TTC29: variants seen among roughly 807,000 people sequenced by gnomAD.
TTC29 encodes the protein tetratricopeptide repeat domain 29, also known as tetratricopeptide repeat protein 29.
TTC29 carries 49 observed loss-of-function variants against 58.1 expected under a neutral mutation model. The ratio of observed to expected loss-of-function variants is 0.84; its 90% CI spans 0.67 to 1.07. The LOEUF is 1.07. TTC29 is among the 50% of genes least tolerant of loss of function. The pLI is 0.00. For synonymous variants in TTC29, 209 were observed against 196.8 expected (o/e 1.06, Z -0.52); for missense variants, 582 against 555.6 (o/e 1.05, Z -0.48).
At chr4:146,917,077 TC>T (rs1734270673) in intron 4 of TTC29, among the ~76,000 whole-genome samples, 1 of 151,188 alleles carries the variant, frequency 6.6e-6, no homozygotes, top group African/African-American at 2.4e-5. Context: ...TCATTTTGTA[TC>T]TCATACATCC....
At chr4:146,808,095 C>A (rs906414915) in intron 10 of TTC29, among the ~76,000 whole-genome samples, 4 of 152,256 alleles carry the variant, frequency 2.6e-5, no homozygotes, top group Middle Eastern at 6.8e-3. Context: ...ATACGCAAAT[C>A]AATAAACGTA....
intron 11 of TTC29, among the ~76,000 whole-genome samples, chr4:146,739,609 C>A (rs757842651): frequency 1.3e-5 from 2 of 152,198 alleles, no homozygotes; most frequent in Non-Finnish European, 2.9e-5. Context: ...TGATTTTCAG[C>A]ACTGTCTAGA....
chr4:146,791,725 T>C (rs1035936303), intron 11 of TTC29, among the ~76,000 whole-genome samples: 2 of 152,198 alleles, frequency 1.3e-5, no homozygotes, highest in African/African-American at 2.4e-5. Flanking sequence ...ACGCTAGGCC[T>C]CTTGTGCCAA....
chr4:146,934,414 G>A (rs1175292224), intron 4 of TTC29: 1 of 152,216 alleles, frequency 6.6e-6, no homozygotes, highest in African/African-American at 2.4e-5. Flanking sequence ...GATAAGAGAG[G>A]AGTAGGGGTG....
At chr4:146,905,872 A>C (rs1416236844) in intron 5 of TTC29, among the ~76,000 whole-genome samples, 1 of 152,214 alleles carries the variant, frequency 6.6e-6, no homozygotes, top group African/African-American at 2.4e-5. Flanking sequence ...GGTATTTCTC[A>C]AGCTTATTTG....
intron 4 of TTC29, among the ~76,000 whole-genome samples, chr4:146,931,912 C>T (rs1196401251): frequency 6.6e-6 from 1 of 151,986 alleles, no homozygotes; most frequent in Non-Finnish European, 1.5e-5. Flanking sequence ...TTTAAAAAAG[C>T]TCCTTCCAAC....
chr4:146,913,662 C>T (rs1229924210), intron 4 of TTC29, among the ~76,000 whole-genome samples: 1 of 152,108 alleles, frequency 6.6e-6, no homozygotes, highest in Non-Finnish European at 1.5e-5. Context: ...GTAGTTCCTG[C>T]TAACTACGTC....
At chr4:146,808,803 A>T (rs896223345) in intron 10 of TTC29, among the ~76,000 whole-genome samples, 2 of 152,232 alleles carry the variant, frequency 1.3e-5, no homozygotes, top group Non-Finnish European at 2.9e-5. Context: ...GAAAATAGCC[A>T]TACTGCCCAA....
At chr4:146,884,159 T>C (rs1173838660) in intron 6 of TTC29, among the ~76,000 whole-genome samples, 1 of 152,110 alleles carries the variant, frequency 6.6e-6, no homozygotes, top group Non-Finnish European at 1.5e-5. Context: ...CCCCAAAAAG[T>C]GACAATTAAT....
chr4:146,916,882 A>C (rs186096926), intron 4 of TTC29, among the ~76,000 whole-genome samples: 87 of 151,600 alleles, frequency 5.7e-4, no homozygotes, highest in African/African-American at 1.8e-3. Context: ...ACTGTTAAAA[A>C]TGTAAATAGG....
At chr4:146,844,416 T>C (rs1478565836) in intron 8 of TTC29, among the ~76,000 whole-genome samples, 1 of 152,080 alleles carries the variant, frequency 6.6e-6, no homozygotes. Context: ...ATTCTAACTC[T>C]CAATCGTTAC....
At chr4:146,897,967 G>T (rs1397635087) in intron 6 of TTC29, among the ~76,000 whole-genome samples, 5 of 152,154 alleles carry the variant, frequency 3.3e-5, no homozygotes, top group Non-Finnish European at 5.9e-5. Flanking sequence ...AGACCTACAG[G>T]GTTAAGACTC....
intron 11 of TTC29, among the ~76,000 whole-genome samples, chr4:146,724,534 TA>T (rs1267938053): frequency 6.6e-6 from 1 of 151,840 alleles, no homozygotes; most frequent in Non-Finnish European, 1.5e-5. Context: ...CTTTTTTTTT[TA>T]TTTTTTTATT....
intron 4 of TTC29, among the ~76,000 whole-genome samples, chr4:146,929,197 T>A (rs1368121582): frequency 1.3e-5 from 2 of 152,228 alleles, no homozygotes; most frequent in East Asian, 3.9e-4. Context: ...AAGCAAAACA[T>A]ATAATTAAAA....
intron 6 of TTC29, among the ~76,000 whole-genome samples, chr4:146,900,571 G>GC (rs1315355799): frequency 6.6e-6 from 1 of 152,080 alleles, no homozygotes. Context: ...TAACCACAGG[G>GC]CCCATAGGCA....
At chr4:146,707,228 G>T (rs1180583932) in intron 12 of TTC29, 40 bp from the exon 13 acceptor site, 6 of 1,304,238 alleles carry the variant, frequency 4.6e-6, no homozygotes, top group Admixed American at 2.7e-5. Context: ...TTTATACTGG[G>T]CTAGAAAGCA....
intron 11 of TTC29, among the ~76,000 whole-genome samples, chr4:146,708,306 GTTTATATATATATATA>G (rs1561046578): frequency 7.6e-5 from 6 of 78,818 alleles, no homozygotes; most frequent in Non-Finnish European, 1.3e-4. Context: ...AATATGGGAA[GTTTATATATATATATA>G]TATATATATA....
chr4:146,884,129 A>G (rs1376281050), intron 6 of TTC29, among the ~76,000 whole-genome samples: 1 of 152,146 alleles, frequency 6.6e-6, no homozygotes, highest in African/African-American at 2.4e-5. Context: ...CACATAGTAG[A>G]TGAAGAATAA....
chr4:146,843,133 A>G (rs947266684), intron 8 of TTC29, among the ~76,000 whole-genome samples: 1 of 152,190 alleles, frequency 6.6e-6, no homozygotes, highest in Non-Finnish European at 1.5e-5. Flanking sequence ...TAGAGGAGCC[A>G]GCAAATAGGC....
Sources: gnomAD v4.1 joint callset for allele counts (sites outside exome capture counted in the v4.1 genomes callset) on GRCh38, gnomAD v4.1.1 for gene constraint, MANE v1.5 for transcripts, NCBI Gene and HGNC (gene_info 2026-07-23, HGNC 2026-07-21) for gene names.